Variants in S100A16 observed in about 807,000 individuals in gnomAD.
S100A16 encodes the protein protein S100-A16.
In S100A16, 8 loss-of-function variants were observed where a neutral mutation model predicts 9.0. The observed-to-expected ratio is 0.89, with a 90% confidence interval of 0.52 to 1.60. The LOEUF (loss-of-function observed/expected upper bound fraction) is 1.60. Among genes scored for constraint, S100A16 ranks in the 40% most tolerant of loss-of-function variants. The probability of loss-of-function intolerance (pLI) is 0.00; values close to 1 mark genes in which losing one functional copy is unlikely to be tolerated. For missense variants in S100A16, 138 were observed against 132.4 expected (o/e 1.04, Z -0.21); for synonymous variants, 51 against 51.4 (o/e 0.99, Z 0.04).
Position 153,607,596 on chromosome 1 carries a change from C to T in S100A16, c.250G>A (p.Gly84Ser), listed in dbSNP as rs185764868. 6.3e-5 allele frequency: 101 copies of T among 1,614,206 alleles called. No homozygotes were observed. In the East Asian group the frequency reaches 2.2e-3, roughly 36 times the overall value. The change falls in exon 3 of 3, where the codon GGC becomes AGC. Residue 84 changes from glycine (G) to serine (S), a missense_variant. Gly to Ser is a moderately conservative substitution (Grantham distance 56). Transcript: ENST00000368706. ...ISFDEYWTLI[G>S]GITGPIAKLI... ...TTGGCGATGGGGCCGGTGATGCCGCCTATCAAGGTCCAGTACTCATCGAAG... is the reference window on the plus strand; with the variant it reads ...TTGGCGATGGGGCCGGTGATGCCGCTTATCAAGGTCCAGTACTCATCGAAG...
chr1:153,607,764 G>C, intron 2 of S100A16, 72 bp from the exon 3 acceptor site: 2 of 1,573,546 alleles, frequency 1.3e-6, no homozygotes, highest in Non-Finnish European at 1.7e-6. Flanking sequence ...ACCCTAGGCA[G>C]AGACCCAGGA....
In S100A16 at chr1:153,607,528, G is replaced by A. The variant is rs998501957; in HGVS notation, c.*6C>T. 2.5e-6 allele frequency: 4 copies of A among 1,613,960 alleles called. No individual in the cohort carries two copies. Among genetic ancestry groups the A allele is most frequent in the Non-Finnish European group, 3.4e-6 (4 of 1,180,016 alleles). On this transcript the variant is annotated 3_prime_UTR_variant, in exon 3 of 3. Coordinates refer to ENST00000368706, the MANE Select transcript of S100A16 (RefSeq NM_080388.3). ...CAGTGCCTGGAAGGTGTGGCCAAAG[G>A]GGTCTCTAGCTGCTGCTCTGCTGCT...
Position 153,611,101 on chromosome 1 carries a change from T to A in S100A16, c.-27+1851A>T, listed in dbSNP as rs184974098. ...CCCAATGTTCTCATTGTCTTCCCCT[T>A]GGCTGATTCATCATTGAGCAACAAG... On this transcript the variant is annotated intron_variant, in intron 1 of 2. Transcript: ENST00000368706. 4.3e-3 allele frequency among the ~76,000 whole-genome samples: 654 copies of A among 150,984 alleles called. 3 individuals carry two copies. The highest frequency in any genetic ancestry group is 0.015 in the African/African-American group (615 of 41,008).
intron 1 of S100A16, chr1:153,609,427 C>G (rs1056511611): frequency 1.1e-6 from 1 of 927,810 alleles, no homozygotes; most frequent in South Asian, 5.0e-5. Context: ...GGAAGCCTGC[C>G]TTGACCCCTG....
intron 1 of S100A16, 70 bp from the exon 2 acceptor site, chr1:153,608,247 C>T: frequency 7.3e-7 from 1 of 1,366,516 alleles, no homozygotes; most frequent in South Asian, 1.3e-5. Context: ...TCCACACCCA[C>T]CCTAGGCCCT....
rs528404765 is a variant in S100A16, at chr1:153,606,956, T to C, written c.*578A>G. On this transcript the variant is annotated 3_prime_UTR_variant, in exon 3 of 3. Coordinates refer to ENST00000368706, the MANE Select transcript of S100A16 (RefSeq NM_080388.3). ...GGGGATACAAACTCCAAATCCAGCCTTTATATCATCATTATTTCAAGCAAC... is the reference window on the plus strand; with the variant it reads ...GGGGATACAAACTCCAAATCCAGCCCTTATATCATCATTATTTCAAGCAAC... 4.1e-6 allele frequency: 1 copy of C among 243,046 alleles called. No individual in the cohort carries two copies. The highest frequency in any genetic ancestry group is 8.4e-6 in the Non-Finnish European group (1 of 119,134). The allele number at this position is 243,046 out of a possible 1,614,324, so 15.1% of individuals were successfully genotyped here. A position where few individuals can be genotyped will look rare whatever the true frequency, so the allele number is the denominator to read the frequency against.
chr1:153,607,703 A>G lies in S100A16; in HGVS notation c.154-11T>C, dbSNP rs1456790515. 15 of 1,614,096 alleles carry G rather than the reference A, an allele frequency of 9.3e-6. No individual in the cohort carries two copies. The highest frequency in any genetic ancestry group is 1.3e-5 in the Non-Finnish European group (15 of 1,179,974). On this transcript the variant is annotated splice_polypyrimidine_tract_variant and intron_variant, in intron 2 of 2. Transcript: ENST00000368706. ...CCGGTTCCCTGTGTCCTGGGGAGGA[A>G]GCAGGGTCAGCAATGCTGATGGTGG...
In S100A16 at chr1:153,608,372, T is replaced by A. The variant is rs186386442; in HGVS notation, c.-26-195A>T. 8.9e-6 allele frequency: 5 copies of A among 562,304 alleles called. No homozygotes were observed. In the East Asian group the frequency reaches 1.5e-4, roughly 17 times the overall value. 34.8% of individuals were successfully genotyped at this position (562,304 alleles called of 1,614,324 possible). On this transcript the variant is annotated intron_variant, in intron 1 of 2. Coordinates refer to ENST00000368706, the MANE Select transcript of S100A16 (RefSeq NM_080388.3). ...AATGAGAACTATGCGGCTCCTCTAA[T>A]CCAGGTGCTCCCCAGCTCAACCGCC...
chr1:153,609,376 C>G, intron 1 of S100A16: 2 of 986,172 alleles, frequency 2.0e-6, no homozygotes, highest in Non-Finnish European at 2.4e-6. Flanking sequence ...CTCCAGCCAG[C>G]CTGCCAATCA....
intron 1 of S100A16, chr1:153,608,811 C>G (rs1207345384): frequency 3.4e-6 from 2 of 587,718 alleles, no homozygotes; most frequent in Non-Finnish European, 4.3e-6. Context: ...CCAACACACC[C>G]CGCCACACCC....
intron 1 of S100A16, chr1:153,609,141 AC>A: frequency 1.0e-6 from 1 of 983,204 alleles, no homozygotes; most frequent in Non-Finnish European, 1.2e-6. Context: ...CTCCCTTCCC[AC>A]CCCCAAGCCC....
At chr1:153,608,936 A>T in intron 1 of S100A16, 4 of 986,018 alleles carry the variant, frequency 4.1e-6, no homozygotes, top group Non-Finnish European at 3.6e-6. Flanking sequence ...GCCCAGCTGG[A>T]GTCGGACTCT....
chr1:153,610,647 G>A lies in S100A16; in HGVS notation c.-27+2305C>T, dbSNP rs374698848. Among the ~76,000 whole-genome samples the A allele has an allele frequency of 1.1e-4, 17 of 152,266 alleles. No homozygotes were observed. In the East Asian group the frequency reaches 2.7e-3, roughly 24 times the overall value. On this transcript the variant is annotated intron_variant, in intron 1 of 2. Coordinates refer to ENST00000368706, the MANE Select transcript of S100A16 (RefSeq NM_080388.3). ...AGCCCCTCCTCCCAGGAATCCACCC[G>A]CTCCCCACCTTCGGTAAAATGGACA... is the stretch of plus-strand genomic sequence containing the variant.
Position 153,607,415 on chromosome 1 carries a change from G to C in S100A16, c.*119C>G, listed in dbSNP as rs546135682. On this transcript the variant is annotated 3_prime_UTR_variant, in exon 3 of 3. Transcript: ENST00000368706. ...CCAGTTCAGCAAGGGTCAGAGGAAG[G>C]TCTGGAGGGAGAAGAGAGTAAAGGG... The C allele has an allele frequency of 8.5e-7, 1 of 1,174,906 alleles. No homozygotes were observed. The highest frequency in any genetic ancestry group is 2.4e-5 in the East Asian group (1 of 42,430). The allele number at this position is 1,174,906 out of a possible 1,614,324, so 72.8% of individuals were successfully genotyped here.
At chr1:153,609,290 C>G (rs1000210330) in intron 1 of S100A16, 1 of 985,778 alleles carries the variant, frequency 1.0e-6, no homozygotes, top group African/African-American at 1.7e-5. Flanking sequence ...GGCCCCACCA[C>G]AGCCTCCTGT....
At chr1:153,607,719 C>T (rs928390321) in intron 2 of S100A16, 27 bp from the exon 3 acceptor site, 4 of 1,613,674 alleles carry the variant, frequency 2.5e-6, no homozygotes, top group Non-Finnish European at 3.4e-6. Flanking sequence ...GTCAGCAATG[C>T]TGATGGTGGA....
intron 2 of S100A16, 151 bp downstream of exon 2, chr1:153,607,848 A>G: frequency 8.4e-7 from 1 of 1,196,290 alleles, no homozygotes; most frequent in Non-Finnish European, 1.2e-6. Flanking sequence ...CATCCTGAGA[A>G]GACAGAGGCC....
chr1:153,609,102 C>G (rs1666775882), intron 1 of S100A16: 1 of 985,712 alleles, frequency 1.0e-6, no homozygotes, highest in South Asian at 4.7e-5. Flanking sequence ...TGCCCAAAAC[C>G]CCCCCACATC....
In S100A16 at chr1:153,607,053, C is replaced by T. The variant is rs1035399842; in HGVS notation, c.*481G>A. Reference sequence around the variant, plus strand: ...GCTGGAGGGAAGTCCCTGAAAGTGCCTCTCTACCCAGCAGAGGGGCTAAGG... The same window carrying T: ...GCTGGAGGGAAGTCCCTGAAAGTGCTTCTCTACCCAGCAGAGGGGCTAAGG... On this transcript the variant is annotated 3_prime_UTR_variant, in exon 3 of 3. Coordinates refer to ENST00000368706, the MANE Select transcript of S100A16 (RefSeq NM_080388.3). 2.8e-6 allele frequency: 1 copy of T among 362,618 alleles called. No homozygotes were observed. The highest frequency in any genetic ancestry group is 2.1e-5 in the African/African-American group (1 of 47,064). The allele number at this position is 362,618 out of a possible 1,614,324, so 22.5% of individuals were successfully genotyped here. A position where few individuals can be genotyped will look rare whatever the true frequency, so the allele number is the denominator to read the frequency against.
Sources: gnomAD v4.1 joint callset for allele counts (sites outside exome capture counted in the v4.1 genomes callset) on GRCh38, gnomAD v4.1.1 for gene constraint, MANE v1.5 for transcripts, NCBI Gene and HGNC (gene_info 2026-07-23, HGNC 2026-07-21) for gene names.